The following MAN2A1 variants were observed in gnomAD, a reference collection of about 807,000 sequenced individuals.
MAN2A1 encodes alpha-mannosidase 2.
In MAN2A1, 76 loss-of-function variants were observed where a neutral mutation model predicts 142.6. The observed-to-expected ratio is 0.53, with a 90% confidence interval of 0.44 to 0.65. The LOEUF (loss-of-function observed/expected upper bound fraction) is 0.65. Among genes scored for constraint, MAN2A1 ranks in the 30% least tolerant of loss-of-function variants. The pLI is 0.00. For missense variants in MAN2A1, 1,311 were observed against 1,365.1 expected, an observed-to-expected ratio of 0.96 and a Z score of 0.62; for synonymous variants, 559 against 473.2, an observed-to-expected ratio of 1.18 and a Z score of -2.35.
intron 1 of MAN2A1, among the ~76,000 whole-genome samples, chr5:109,702,598 C>G (rs1335567584): frequency 1.3e-5 from 2 of 152,106 alleles, no homozygotes; most frequent in Non-Finnish European, 2.9e-5. Flanking sequence ...TGGGCTACCT[C>G]TGGAAAATTT....
intron 16 of MAN2A1, among the ~76,000 whole-genome samples, chr5:109,832,217 C>T (rs1754929692): frequency 2.2e-5 from 2 of 92,140 alleles, no homozygotes; most frequent in African/African-American, 4.1e-5. Flanking sequence ...GGGTGTTTCT[C>T]GGAGAGGGGG....
At chr5:109,744,151 T>C (rs1752340268) in intron 4 of MAN2A1, among the ~76,000 whole-genome samples, 1 of 152,150 alleles carries the variant, frequency 6.6e-6, no homozygotes, top group African/African-American at 2.4e-5. Context: ...TCAGCAAATA[T>C]TTATTGTGTT....
chr5:109,720,986 TA>T (rs1413361987), intron 3 of MAN2A1, among the ~76,000 whole-genome samples: 1 of 152,196 alleles, frequency 6.6e-6, no homozygotes, highest in Admixed American at 6.5e-5. Context: ...TTTCTGGAGC[TA>T]AAATCGTATG....
intron 16 of MAN2A1, among the ~76,000 whole-genome samples, chr5:109,826,591 T>C (rs1754767246): frequency 6.6e-6 from 1 of 152,222 alleles, no homozygotes. Context: ...AGTCTTTCCT[T>C]AGTAATCTTC....
At chr5:109,712,910 C>A (rs1751343397) in intron 1 of MAN2A1, among the ~76,000 whole-genome samples, 1 of 152,032 alleles carries the variant, frequency 6.6e-6, no homozygotes, top group South Asian at 2.1e-4. Context: ...AGATGGCAAC[C>A]CTCTTAATGT....
chr5:109,832,800 C>G (rs1754952426), intron 16 of MAN2A1, among the ~76,000 whole-genome samples: 1 of 151,850 alleles, frequency 6.6e-6, no homozygotes. Flanking sequence ...GACGGGGCGG[C>G]TGGCTGGGTG....
intron 15 of MAN2A1, among the ~76,000 whole-genome samples, chr5:109,821,799 T>A (rs1023277618): frequency 6.6e-6 from 1 of 152,170 alleles, no homozygotes; most frequent in African/African-American, 2.4e-5. Flanking sequence ...GTAAAATTAA[T>A]CCTTTTCCCT....
intron 4 of MAN2A1, among the ~76,000 whole-genome samples, chr5:109,752,541 G>C (rs1191902106): frequency 6.7e-6 from 1 of 149,590 alleles, no homozygotes; most frequent in East Asian, 2.0e-4. Flanking sequence ...GTGGAGATCT[G>C]ACAATGAACA....
intron 4 of MAN2A1, among the ~76,000 whole-genome samples, chr5:109,734,583 T>C (rs1752028294): frequency 6.6e-6 from 1 of 152,176 alleles, no homozygotes; most frequent in East Asian, 1.9e-4. Flanking sequence ...TTTCTTCTCA[T>C]TGGTTTCAAA....
At chr5:109,730,804 G>A (rs1180465413) in intron 4 of MAN2A1, among the ~76,000 whole-genome samples, 4 of 152,142 alleles carry the variant, frequency 2.6e-5, no homozygotes, top group Non-Finnish European at 5.9e-5. Flanking sequence ...CAGGATCACA[G>A]GGCAGCCTGG....
At chr5:109,731,732 G>A (rs988614540) in intron 4 of MAN2A1, among the ~76,000 whole-genome samples, 2 of 151,870 alleles carry the variant, frequency 1.3e-5, no homozygotes, top group African/African-American at 4.8e-5. Flanking sequence ...TGGTGTACAT[G>A]TGCCACATTT....
At chr5:109,699,620 C>G (rs1450752035) in intron 1 of MAN2A1, 2 of 152,432 alleles carry the variant, frequency 1.3e-5, no homozygotes, top group Non-Finnish European at 1.5e-5. Context: ...TTTGGAGGTT[C>G]CAGCAGGGGA....
chr5:109,714,171 G>A lies in MAN2A1; in HGVS notation c.390+397G>A, dbSNP rs989092241. 2.9e-5 allele frequency among the ~76,000 whole-genome samples: 4 copies of A among 136,674 alleles called. No homozygotes were observed. The Admixed American group carries it at 3.0e-4, about 10-fold the overall frequency. The allele number at this position is 136,674 out of a possible 152,430, so 89.7% of individuals were successfully genotyped here. A position where few individuals can be genotyped will look rare whatever the true frequency, so the allele number is the denominator to read the frequency against. ...CATTATAGATTTTGTACAAAGTAAG[G>A]TTAGACTTTTTTTTTTTTTTCTTAA... On this transcript the variant is annotated intron_variant, in intron 2 of 21. Coordinates refer to ENST00000261483, the MANE Select transcript of MAN2A1 (RefSeq NM_002372.4).
At chr5:109,773,256 GC>G (rs1161642583) in intron 7 of MAN2A1, among the ~76,000 whole-genome samples, 1 of 152,134 alleles carries the variant, frequency 6.6e-6, no homozygotes, top group Non-Finnish European at 1.5e-5. Flanking sequence ...TTCTGGACAG[GC>G]TTGAGAGTTA....
chr5:109,847,580 T>C (rs2112764579), intron 18 of MAN2A1, 77 bp from the exon 19 acceptor site: 2 of 1,287,250 alleles, frequency 1.6e-6, no homozygotes, highest in East Asian at 5.9e-5. Context: ...TCATGACTGC[T>C]ACTTAAGTGA....
chr5:109,696,186 C>T (rs187317749), intron 1 of MAN2A1, among the ~76,000 whole-genome samples: 1,644 of 152,078 alleles, frequency 0.011, 17 homozygotes, highest in Non-Finnish European at 0.014. Flanking sequence ...CTGCAATCTC[C>T]ACCTCCCGGG....
chr5:109,846,147 ATTAG>A lies in MAN2A1; in HGVS notation c.2842+145_2842+148del, dbSNP rs1225457919. The A allele has an allele frequency of 2.7e-5, 19 of 691,328 alleles. No individual in the cohort carries two copies. The East Asian group carries it at 5.5e-4, about 20-fold the overall frequency. 42.8% of individuals were successfully genotyped at this position (691,328 alleles called of 1,614,324 possible). A position where few individuals can be genotyped will look rare whatever the true frequency, so the allele number is the denominator to read the frequency against. ...GCTTTTTTCTTTCAACAACCAGACTATTAGTTAAGTTTGGGTTTTGTGAGAACAA... is the reference window on the plus strand; with the variant it reads ...GCTTTTTTCTTTCAACAACCAGACTATTAAGTTTGGGTTTTGTGAGAACAA... On this transcript the variant is annotated intron_variant, in intron 18 of 21. Transcript: ENST00000261483.
chr5:109,830,133 ATAAG>A (rs1439225644), intron 16 of MAN2A1, among the ~76,000 whole-genome samples: 1 of 152,188 alleles, frequency 6.6e-6, no homozygotes, highest in Non-Finnish European at 1.5e-5. Flanking sequence ...ACATGTTACA[ATAAG>A]TAAGTATGAG....
intron 1 of MAN2A1, among the ~76,000 whole-genome samples, chr5:109,691,045 AAG>A (rs1750657363): frequency 6.6e-6 from 1 of 152,058 alleles, no homozygotes; most frequent in Admixed American, 6.5e-5. Flanking sequence ...GCTGCCTCTG[AAG>A]AGAGAGAAGT....
Sources: gnomAD v4.1 joint callset for allele counts (sites outside exome capture counted in the v4.1 genomes callset) on GRCh38, gnomAD v4.1.1 for gene constraint, MANE v1.5 for transcripts, NCBI Gene and HGNC (gene_info 2026-07-23, HGNC 2026-07-21) for gene names.